Variants in CAMSAP1 observed in about 807,000 individuals in gnomAD.
The protein encoded by CAMSAP1 is calmodulin regulated spectrin associated protein 1.
A neutral mutation model predicts 143.5 loss-of-function variants in CAMSAP1; 58 were observed. The observed-to-expected ratio is 0.40, with a 90% CI of 0.33 to 0.50. The LOEUF (loss-of-function observed/expected upper bound fraction) is 0.50, where lower values mean the gene tolerates loss of function less well. Ranked by LOEUF, CAMSAP1 falls within the 20% of genes least tolerant of loss-of-function variation. The pLI is 0.45. For synonymous variants in CAMSAP1, 945 were observed against 859.3 expected, an observed-to-expected ratio of 1.10 and a Z score of -1.74; for missense variants, 1,969 against 2,115.7, an observed-to-expected ratio of 0.93 and a Z score of 1.36.
At chr9:135,845,760 T>C (rs1420760362) in intron 7 of CAMSAP1, among the ~76,000 whole-genome samples, 2 of 152,128 alleles carry the variant, frequency 1.3e-5, no homozygotes, top group Non-Finnish European at 2.9e-5. Flanking sequence ...TGAACTCTCA[T>C]TCACAACTGC....
chr9:135,863,813 A>G (rs1307026397), intron 4 of CAMSAP1, among the ~76,000 whole-genome samples: 1 of 152,210 alleles, frequency 6.6e-6, no homozygotes, highest in African/African-American at 2.4e-5. Context: ...CACGGGTTCC[A>G]GCATGCAGTG....
At position 135,820,164 on chromosome 9, in the gene CAMSAP1, A is replaced by G. The variant is rs1208481911; in HGVS notation, c.3822+675T>C. ...CTGCTCCTAGACTACAGACCTGCAC[A>G]GCACATTACTGTACCCAATACTGTA... On this transcript the variant is annotated intron_variant, in intron 11 of 16. Transcript: ENST00000389532. This position sits in a 1 kb window ranked among gnomAD's most constrained non-coding sequence, Gnocchi z 4.4. Among the ~76,000 whole-genome samples, 1 of 152,202 alleles carries G rather than the reference A, an allele frequency of 6.6e-6. No individual in the cohort carries two copies. The highest frequency in any genetic ancestry group is 6.5e-5 in the Admixed American group (1 of 15,272).
At chr9:135,868,088 C>A (rs1393070544) in intron 3 of CAMSAP1, among the ~76,000 whole-genome samples, 3 of 150,384 alleles carry the variant, frequency 2.0e-5, no homozygotes, top group Non-Finnish European at 4.4e-5. Context: ...TATATCCAGC[C>A]GTATATTTGG....
At chr9:135,815,547 A>C (rs1025824293) in intron 15 of CAMSAP1, among the ~76,000 whole-genome samples, 1 of 152,198 alleles carries the variant, frequency 6.6e-6, no homozygotes, top group African/African-American at 2.4e-5. Flanking sequence ...CCACAGCAGC[A>C]CCTCCAGTTC....
At chr9:135,881,484 A>G (rs1235839734) in intron 3 of CAMSAP1, 149 bp downstream of exon 3, 14 of 883,256 alleles carry the variant, frequency 1.6e-5, no homozygotes, top group Non-Finnish European at 2.3e-5. Flanking sequence ...CTTTTTAACT[A>G]CAGCAGACAC....
chr9:135,823,269 C>A lies in CAMSAP1; in HGVS notation c.1401-9G>T. Reference sequence around the variant, plus strand: ...TTGGCTGGGACGCAGGCCTGAAACACAGGGAAGGCCCACTGGGTGCGCTGC... The same window carrying A: ...TTGGCTGGGACGCAGGCCTGAAACAAAGGGAAGGCCCACTGGGTGCGCTGC... On this transcript the variant is annotated splice_polypyrimidine_tract_variant and intron_variant, in intron 10 of 16. Transcript: ENST00000389532. 2 of 1,538,050 alleles carry A rather than the reference C, an allele frequency of 1.3e-6. No individual in the cohort carries two copies. The highest frequency in any genetic ancestry group is 4.5e-5 in the East Asian group (2 of 44,294).
At chr9:135,886,220 C>T (rs1564458516) in intron 1 of CAMSAP1, among the ~76,000 whole-genome samples, 1 of 152,142 alleles carries the variant, frequency 6.6e-6, no homozygotes, top group Admixed American at 6.5e-5. Context: ...GCCAGGGAGT[C>T]AAACAGGAAG....
At chr9:135,872,565 A>C (rs1179491336) in intron 3 of CAMSAP1, among the ~76,000 whole-genome samples, 1 of 152,234 alleles carries the variant, frequency 6.6e-6, no homozygotes, top group African/African-American at 2.4e-5. Flanking sequence ...ACTCTAAGAG[A>C]TTGTCAGATG....
Position 135,821,608 on chromosome 9 carries a change from T to C in CAMSAP1, c.3053A>G (p.Asn1018Ser), listed in dbSNP as rs746019751. ...CTTCTCGATGGAAAGGTCACATTCA[T>C]TCACGTCGACAACCTCCCCAACAGT... ...EDTVGEVVDV[N>S]ECDLSIEKLN... is the part of the protein sequence containing the mutation. The change falls in exon 11 of 17, where the codon AAT (asparagine) becomes AGT (serine). Residue 1018 changes from asparagine to serine, a missense_variant. By Grantham distance (46) the Asn-to-Ser change is conservative. Transcript: ENST00000389532. The surrounding 1 kb of genome is among the most constrained non-coding windows in gnomAD (Gnocchi z 4.6). The C allele has an allele frequency of 1.6e-5, 26 of 1,613,912 alleles. No individual in the cohort carries two copies. The highest frequency in any genetic ancestry group is 1.9e-5 in the Non-Finnish European group (22 of 1,179,892).
At chr9:135,835,066 C>T (rs1299552406) in intron 7 of CAMSAP1, among the ~76,000 whole-genome samples, 1 of 152,054 alleles carries the variant, frequency 6.6e-6, no homozygotes, top group Non-Finnish European at 1.5e-5. Flanking sequence ...TCTGAGGGCC[C>T]TTGTCAAGGG....
rs371158714 is a variant in CAMSAP1 at position 135,821,959 on chromosome 9, G to A, written c.2702C>T (p.Ala901Val). The A allele has an allele frequency of 5.6e-6, 9 of 1,612,528 alleles. No individual in the cohort carries two copies. Among genetic ancestry groups the A allele is most frequent in the South Asian group, 2.2e-5 (2 of 90,980 alleles). Reference sequence around the variant, plus strand: ...CTTCAGGCGCTGCCTTGCCGACAGCGCCTCCATCTTCTTCTTCTGGGCCTC... The same window carrying A: ...CTTCAGGCGCTGCCTTGCCGACAGCACCTCCATCTTCTTCTTCTGGGCCTC... ...AIEAQKKKME[A>V]LSARQRLKLG... The change falls in exon 11 of 17, where the codon GCG (alanine) becomes GTG (valine). Residue 901 changes from alanine (A) to valine (V), a missense_variant. Physicochemically the swap from Ala to Val is moderately conservative, Grantham distance 64. Around this residue, in one of 4 missense-constraint regions of CAMSAP1, gnomAD observed 1,390 missense variants for 1,420.8 expected, o/e 0.98. Transcript: ENST00000389532. The surrounding 1 kb of genome is among the most constrained non-coding windows in gnomAD (Gnocchi z 4.6).
chr9:135,882,754 C>A lies in CAMSAP1; in HGVS notation c.423+62G>T. 6.6e-7 allele frequency: 1 copy of A among 1,509,324 alleles called. No individual in the cohort carries two copies. The highest frequency in any genetic ancestry group is 8.9e-7 in the Non-Finnish European group (1 of 1,128,284). The allele number at this position is 1,509,324 out of a possible 1,614,324, so 93.5% of individuals were successfully genotyped here. A position where few individuals can be genotyped will look rare whatever the true frequency, so the allele number is the denominator to read the frequency against. On this transcript the variant is annotated intron_variant, in intron 2 of 16. Transcript: ENST00000389532. The surrounding 1 kb of genome is among the most constrained non-coding windows in gnomAD (Gnocchi z 4.9). ...TCACACCATCCATGCACCAGGTGCG[C>A]CACACGAGAGCCCACGGCTCCAGAG...
At position 135,820,756 on chromosome 9, in the gene CAMSAP1, G is replaced by A. The variant is rs1378577260; in HGVS notation, c.3822+83C>T. 6.6e-7 allele frequency: 1 copy of A among 1,526,088 alleles called. No individual in the cohort carries two copies. Among genetic ancestry groups the A allele is most frequent in the African/African-American group, 1.4e-5 (1 of 72,814 alleles). 94.5% of individuals were successfully genotyped at this position (1,526,088 alleles called of 1,614,324 possible). A position where few individuals can be genotyped will look rare whatever the true frequency, so the allele number is the denominator to read the frequency against. ...TACAGGAGCGGCTGGCCAGCCTGGT[G>A]CAGATCTGTGTTCTCTAACTCACTA... On this transcript the variant is annotated intron_variant, in intron 11 of 16. Coordinates refer to ENST00000389532, the MANE Select transcript of CAMSAP1 (RefSeq NM_015447.4). The surrounding 1 kb of genome is among the most constrained non-coding windows in gnomAD (Gnocchi z 4.4).
rs991551297 is a variant in CAMSAP1, at chr9:135,818,816, C to T, written c.3959+194G>A. On this transcript the variant is annotated intron_variant, in intron 12 of 16. Coordinates refer to ENST00000389532, the MANE Select transcript of CAMSAP1 (RefSeq NM_015447.4). The surrounding 1 kb of genome is among the most constrained non-coding windows in gnomAD (Gnocchi z 7.7). ...CACCGAGGCCACACAGCCTCCCTGG[C>T]CACCGGCAACGCACGTCCTCACTGA... Among the ~76,000 whole-genome samples, 2 of 152,142 alleles carry T rather than the reference C, an allele frequency of 1.3e-5. No homozygotes were observed. Among genetic ancestry groups the T allele is most frequent in the Non-Finnish European group, 2.9e-5 (2 of 68,014 alleles).
chr9:135,899,196 T>C (rs1051465763), intron 1 of CAMSAP1, among the ~76,000 whole-genome samples: 2 of 152,156 alleles, frequency 1.3e-5, no homozygotes, highest in African/African-American at 2.4e-5. Context: ...GTCTTGATTG[T>C]GGTTGTGGTC....
intron 5 of CAMSAP1, among the ~76,000 whole-genome samples, chr9:135,852,768 T>G (rs1213494874): frequency 6.6e-6 from 1 of 152,202 alleles, no homozygotes; most frequent in Non-Finnish European, 1.5e-5. Context: ...ACATTCTTAT[T>G]CTTCAAAACT....
chr9:135,868,609 A>ATTTTTTTTTTTTTTTTT (rs767495608), intron 3 of CAMSAP1, among the ~76,000 whole-genome samples: 1 of 93,476 alleles, frequency 1.1e-5, no homozygotes. Context: ...GAGATTGGCA[A>ATTTTTTTTTTTTTTTTT]TTTTTTTTTT....
At chr9:135,903,900 C>A (rs1028517160) in intron 1 of CAMSAP1, among the ~76,000 whole-genome samples, 1 of 152,210 alleles carries the variant, frequency 6.6e-6, no homozygotes, top group African/African-American at 2.4e-5. Context: ...AAAACCCCCT[C>A]CCCACTCAGT....
chr9:135,832,401 T>C (rs747635371), intron 7 of CAMSAP1, among the ~76,000 whole-genome samples: 4 of 152,134 alleles, frequency 2.6e-5, no homozygotes, highest in South Asian at 2.1e-4. Context: ...AGAACAGGTA[T>C]AGAAGGAGCT....
Sources: gnomAD v4.1 joint callset for allele counts (sites outside exome capture counted in the v4.1 genomes callset) on GRCh38, gnomAD v4.1.1 for gene constraint, gnomAD v4.1.1 regional missense constraint, Gnocchi (gnomAD v3.1) non-coding constraint, MANE v1.5 for transcripts, NCBI Gene and HGNC (gene_info 2026-07-23, HGNC 2026-07-21) for gene names.